Variants in PFKP observed in about 807,000 individuals in gnomAD.
The protein encoded by PFKP is ATP-dependent 6-phosphofructokinase, platelet type.
In PFKP, 101 loss-of-function variants were observed where a neutral mutation model predicts 94.3. The ratio of observed to expected loss-of-function variants is 1.07; its 90% CI spans 0.91 to 1.26. The LOEUF is 1.26. Ranked by LOEUF, PFKP falls within the 50% of genes most tolerant of loss-of-function variation. The pLI, the probability that PFKP is intolerant of heterozygous loss-of-function variation, is 0.00. For synonymous variants in PFKP, 573 were observed against 432.6 expected, an observed-to-expected ratio of 1.32 and a Z score of -4.03; for missense variants, 1,145 against 1,103.3, an observed-to-expected ratio of 1.04 and a Z score of -0.53.
At chr10:3,096,562 G>A (rs528235980) in intron 2 of PFKP, among the ~76,000 whole-genome samples, 2 of 152,070 alleles carry the variant, frequency 1.3e-5, no homozygotes, top group African/African-American at 2.4e-5. Flanking sequence ...CTCTCCTCCT[G>A]AGATGTGGGC....
At chr10:3,099,202 A>T in intron 2 of PFKP, 73 bp from the exon 3 acceptor site, 1 of 1,201,762 alleles carries the variant, frequency 8.3e-7, no homozygotes, top group Non-Finnish European at 1.2e-6. Flanking sequence ...TTCCCGTTTT[A>T]TATAATTTAA....
intron 1 of PFKP, among the ~76,000 whole-genome samples, chr10:3,068,025 G>C (rs1044894589): frequency 1.6e-4 from 25 of 152,290 alleles, no homozygotes; most frequent in African/African-American, 6.0e-4. Context: ...AGATCAGTGA[G>C]TTTTCCACCT....
chr10:3,136,353 C>T, intron 21 of PFKP, 97 bp from the exon 22 acceptor site: 2 of 1,290,602 alleles, frequency 1.5e-6, no homozygotes, highest in Non-Finnish European at 1.1e-6. Flanking sequence ...CCTACAAACC[C>T]TGTGTTTCTG....
At position 3,113,412 on chromosome 10, in the gene PFKP, C is replaced by T. The variant is rs371785073; in HGVS notation, c.1265C>T (p.Ala422Val). ...NVAVINVGAP[A>V]AGMNAAVRSA... is the part of the protein sequence containing the mutation. ...GCTGTCATCAACGTGGGGGCACCCG[C>T]GGCTGGGATGAACGCAGCCGTACGC... The change falls in exon 13 of 22, where the codon GCG (alanine) becomes GTG (valine). Residue 422 changes from alanine to valine, a missense_variant. Around this residue, in one of 3 missense-constraint regions of PFKP, gnomAD observed 1,119 missense variants for 1,062.8 expected, o/e 1.05. Coordinates refer to ENST00000381125, the MANE Select transcript of PFKP (RefSeq NM_002627.5). 6 of 1,600,622 alleles carry T rather than the reference C, an allele frequency of 3.7e-6. No individual in the cohort carries two copies. Among genetic ancestry groups the T allele is most frequent in the African/African-American group, 2.7e-5 (2 of 74,690 alleles).
chr10:3,120,383 G>A (rs1285150249), intron 16 of PFKP, among the ~76,000 whole-genome samples: 1 of 151,952 alleles, frequency 6.6e-6, no homozygotes, highest in Non-Finnish European at 1.5e-5. Context: ...GTGTGTGTGT[G>A]TGTGTGTGTG....
intron 2 of PFKP, among the ~76,000 whole-genome samples, chr10:3,095,441 C>T (rs562312996): frequency 2.4e-4 from 36 of 152,234 alleles, no homozygotes; most frequent in African/African-American, 8.7e-4. Flanking sequence ...TAGATGTGAT[C>T]GAATGACTCA....
At chr10:3,131,059 C>T (rs1301239262) in intron 17 of PFKP, among the ~76,000 whole-genome samples, 3 of 139,560 alleles carry the variant, frequency 2.1e-5, no homozygotes, top group Non-Finnish European at 4.7e-5. Flanking sequence ...CAAACAGGTG[C>T]AGTTTTTTAT....
intron 11 of PFKP, 23 bp from the exon 12 acceptor site, chr10:3,113,096 C>G (rs1200439011): frequency 1.9e-6 from 3 of 1,608,240 alleles, no homozygotes; most frequent in Non-Finnish European, 2.5e-6. Context: ...CGACTCCGGT[C>G]CAACGACACC....
intron 10 of PFKP, among the ~76,000 whole-genome samples, chr10:3,110,537 C>G (rs1164321996): frequency 1.3e-5 from 2 of 152,044 alleles, no homozygotes; most frequent in Admixed American, 6.6e-5. Context: ...TTTCAGAGTT[C>G]ATTCATGATT....
intron 11 of PFKP, among the ~76,000 whole-genome samples, chr10:3,112,877 G>C (rs1232946399): frequency 6.6e-6 from 1 of 152,254 alleles, no homozygotes; most frequent in African/African-American, 2.4e-5. Flanking sequence ...TCTTGCAAGA[G>C]AAAGTTATGA....
At chr10:3,069,177 A>G in intron 1 of PFKP, 1 of 1,182,398 alleles carries the variant, frequency 8.5e-7, no homozygotes, top group Non-Finnish European at 1.1e-6. Context: ...TGGCAGCGCC[A>G]GGCCCCGCCC....
At chr10:3,096,032 T>C (rs1156758659) in intron 2 of PFKP, among the ~76,000 whole-genome samples, 1 of 152,238 alleles carries the variant, frequency 6.6e-6, no homozygotes, top group African/African-American at 2.4e-5. Context: ...CATTTTACTT[T>C]TCAAAATGTT....
intron 11 of PFKP, 53 bp from the exon 12 acceptor site, chr10:3,113,064 CCT>C: frequency 6.6e-7 from 1 of 1,512,986 alleles, no homozygotes; most frequent in East Asian, 2.3e-5. Context: ...CCACATGAGC[CCT>C]GAGTTGTGTC....
In PFKP at chr10:3,082,398, T is replaced by C. The variant is rs761685210; in HGVS notation, c.123T>C (p.Ala41=). The change falls in exon 2 of 22, where the codon GCT becomes GCC. Residue 41 remains alanine, a synonymous_variant. Coordinates refer to ENST00000381125, the MANE Select transcript of PFKP (RefSeq NM_002627.5). ...CTGTTTCCACTGCAGGTATGAACGCTGCCGTCCGTGCCGTGGTGCGCATGG... is the reference window on the plus strand; with the variant it reads ...CTGTTTCCACTGCAGGTATGAACGCCGCCGTCCGTGCCGTGGTGCGCATGG... The part of the protein sequence containing the change: ...TSGGDAQGMN[A]AVRAVVRMGI... The C allele has an allele frequency of 1.9e-6, 3 of 1,606,960 alleles. No homozygotes were observed. Among genetic ancestry groups the C allele is most frequent in the African/African-American group, 2.7e-5 (2 of 74,754 alleles).
rs1831829528 is a variant in PFKP at position 3,067,672 on chromosome 10, C to T, written c.77C>T (p.Ala26Val). ...FLEHLSGAGKAIGVLTSGGDA... is the reference protein window; with the variant it reads ...FLEHLSGAGKVIGVLTSGGDA... ...GAGCACCTCTCCGGGGCCGGCAAGG[C>T]CATCGGCGTGCTGACCAGCGGCGGG... Residue 26 changes from alanine to valine, a missense_variant, in exon 1 of 22, where the codon GCC becomes GTC. Ala to Val is a moderately conservative substitution (Grantham distance 64). Transcript: ENST00000381125. The T allele has an allele frequency of 1.3e-6, 2 of 1,530,998 alleles. No homozygotes were observed. The highest frequency in any genetic ancestry group is 1.8e-6 in the Non-Finnish European group (2 of 1,138,476). 94.8% of individuals were successfully genotyped at this position (1,530,998 alleles called of 1,614,324 possible).
intron 6 of PFKP, 84 bp from the exon 7 acceptor site, chr10:3,105,309 C>T (rs4881081): frequency 0.34 from 452,567 of 1,312,722 alleles, 80,137 homozygotes; most frequent in Admixed American, 0.44. Context: ...TAGGTCTGCA[C>T]GTCTGTCGCT....
Position 3,113,507 on chromosome 10 carries a change from G to C in PFKP, c.1360G>C (p.Ala454Pro). The C allele has an allele frequency of 6.2e-7, 1 of 1,612,408 alleles. No individual in the cohort carries two copies. Among genetic ancestry groups the C allele is most frequent in the Non-Finnish European group, 8.5e-7 (1 of 1,179,904 alleles). The change falls in exon 13 of 22, where the codon GCC (alanine) becomes CCC (proline). Residue 454 changes from alanine to proline, a missense_variant. Coordinates refer to ENST00000381125, the MANE Select transcript of PFKP (RefSeq NM_002627.5). ...CATCTATGATGGCTTTGACGGCTTC[G>C]CCAAGGGCCAGGTGAGTCACCCAGG... ...LAIYDGFDGFAKGQIKEIGWT... is the reference protein window; with the variant it reads ...LAIYDGFDGFPKGQIKEIGWT...
chr10:3,069,259 A>C (rs979602299), intron 1 of PFKP: 14 of 1,466,132 alleles, frequency 9.5e-6, no homozygotes, highest in African/African-American at 1.4e-5. Context: ...CCCAGCATCA[A>C]CGTTCTTCCT....
At chr10:3,130,716 C>G (rs375185556) in intron 17 of PFKP, among the ~76,000 whole-genome samples, 1 of 152,168 alleles carries the variant, frequency 6.6e-6, no homozygotes, top group Non-Finnish European at 1.5e-5. Flanking sequence ...CGTGCCACCA[C>G]GCCCAGCTAA....
Sources: allele counts gnomAD v4.1 joint callset (sites outside exome capture counted in the v4.1 genomes callset), GRCh38; gene constraint gnomAD v4.1.1; regional missense constraint gnomAD v4.1.1; transcripts MANE v1.5; gene names NCBI Gene and HGNC (gene_info 2026-07-23, HGNC 2026-07-21).